The following WDPCP variants were observed in gnomAD, a reference collection of about 807,000 sequenced individuals.
The protein encoded by WDPCP is WD repeat-containing and planar cell polarity effector protein fritz homolog.
In WDPCP, 71 loss-of-function variants were observed where a neutral mutation model predicts 93.1. That is an observed-to-expected ratio of 0.76 (90% CI 0.63 to 0.93). The LOEUF is 0.93. Ranked by LOEUF, WDPCP falls within the 40% of genes least tolerant of loss-of-function variation. The pLI, the probability that WDPCP is intolerant of heterozygous loss-of-function variation, is 0.00. For missense variants in WDPCP, 844 were observed against 887.4 expected (o/e 0.95, Z 0.62); for synonymous variants, 315 against 315.0 (o/e 1.00, Z 0.00).
At chr2:63,166,265 C>T (rs1291408570) in intron 15 of WDPCP, among the ~76,000 whole-genome samples, 1 of 151,948 alleles carries the variant, frequency 6.6e-6, no homozygotes, top group African/African-American at 2.4e-5. Context: ...CGGGGTTTCA[C>T]CATGTTGGCC....
At chr2:63,555,117 T>A (rs895762054) in intron 1 of WDPCP, among the ~76,000 whole-genome samples, 1 of 152,220 alleles carries the variant, frequency 6.6e-6, no homozygotes, top group Non-Finnish European at 1.5e-5. Flanking sequence ...GCGGCAGCCA[T>A]CATTGCAGCT....
intron 1 of WDPCP, among the ~76,000 whole-genome samples, chr2:63,509,325 G>A (rs1702075365): frequency 6.6e-6 from 1 of 152,106 alleles, no homozygotes; most frequent in Non-Finnish European, 1.5e-5. Context: ...ACCTGCTCCT[G>A]AATGTCTACT....
At chr2:63,662,639 C>CAGAG (rs3077036) in intron 2 of WDPCP, among the ~76,000 whole-genome samples, 6,649 of 146,844 alleles carry the variant, frequency 0.045, 152 homozygotes, top group East Asian at 0.088. Flanking sequence ...TCATCTCTTC[C>CAGAG]AGAGAGAGAG....
At chr2:63,423,967 A>G (rs1382879467) in intron 9 of WDPCP, among the ~76,000 whole-genome samples, 2 of 152,082 alleles carry the variant, frequency 1.3e-5, no homozygotes, top group African/African-American at 2.4e-5. Flanking sequence ...CTGACATTCA[A>G]TAGAGAGGGA....
intron 1 of WDPCP, among the ~76,000 whole-genome samples, chr2:63,529,949 T>C (rs1378290718): frequency 6.6e-6 from 1 of 152,214 alleles, no homozygotes; most frequent in East Asian, 1.9e-4. Flanking sequence ...TGTCTAGGAA[T>C]TTATCCATTT....
intron 2 of WDPCP, among the ~76,000 whole-genome samples, chr2:63,697,405 T>C (rs1343036538): frequency 6.6e-6 from 1 of 152,188 alleles, no homozygotes; most frequent in Non-Finnish European, 1.5e-5. Flanking sequence ...AACTGTTGCA[T>C]AATGACAAAT....
chr2:63,256,767 A>T (rs1284304046), intron 14 of WDPCP, among the ~76,000 whole-genome samples: 1 of 152,222 alleles, frequency 6.6e-6, no homozygotes, highest in Non-Finnish European at 1.5e-5. Context: ...TGGAAGAATT[A>T]TAACTATATG....
intron 13 of WDPCP, among the ~76,000 whole-genome samples, chr2:63,283,688 C>T (rs1051717512): frequency 3.3e-5 from 5 of 152,154 alleles, no homozygotes; most frequent in Non-Finnish European, 5.9e-5. Context: ...AGCACAGCAT[C>T]CCAAATCTAA....
intron 12 of WDPCP, among the ~76,000 whole-genome samples, chr2:63,319,734 T>C (rs562953760): frequency 5.3e-5 from 8 of 152,282 alleles, no homozygotes; most frequent in African/African-American, 1.7e-4. Flanking sequence ...CGCCTCAGCC[T>C]CCCAAAGTGC....
intron 14 of WDPCP, among the ~76,000 whole-genome samples, chr2:63,198,773 G>A (rs777762250): frequency 2.5e-4 from 38 of 152,190 alleles, no homozygotes; most frequent in Non-Finnish European, 4.6e-4. Context: ...CAGAAAAGTG[G>A]TACTGGGAGA....
At chr2:63,420,059 C>G (rs949370468) in intron 9 of WDPCP, among the ~76,000 whole-genome samples, 1 of 151,864 alleles carries the variant, frequency 6.6e-6, no homozygotes. Flanking sequence ...AAAAGGTATA[C>G]TTTATTTTTA....
intron 1 of WDPCP, among the ~76,000 whole-genome samples, chr2:63,522,477 C>CACACAA (rs1370996788): frequency 7.9e-5 from 12 of 151,364 alleles, no homozygotes; most frequent in African/African-American, 2.9e-4. Flanking sequence ...CACACACACA[C>CACACAA]ACACACACAC....
chr2:63,529,366 T>G (rs998260083), intron 1 of WDPCP, among the ~76,000 whole-genome samples: 1 of 152,122 alleles, frequency 6.6e-6, no homozygotes, highest in African/African-American at 2.4e-5. Context: ...GTAAATAGCT[T>G]TTATTACTTT....
At chr2:63,595,817 A>G (rs1709300197) in intron 3 of WDPCP, among the ~76,000 whole-genome samples, 1 of 152,048 alleles carries the variant, frequency 6.6e-6, no homozygotes, top group South Asian at 2.1e-4. Flanking sequence ...AATTGTCTAC[A>G]CACACACACA....
intron 13 of WDPCP, among the ~76,000 whole-genome samples, chr2:63,276,102 C>T (rs553242550): frequency 6.6e-6 from 1 of 152,204 alleles, no homozygotes; most frequent in Non-Finnish European, 1.5e-5. Flanking sequence ...AGTAGCTCCA[C>T]TGGGTGGCTA....
chr2:63,192,028 T>C (rs777916011), intron 14 of WDPCP, among the ~76,000 whole-genome samples: 1 of 152,194 alleles, frequency 6.6e-6, no homozygotes, highest in Non-Finnish European at 1.5e-5. Context: ...TTGCTCAGCC[T>C]TGATGCAGAA....
intron 1 of WDPCP, among the ~76,000 whole-genome samples, chr2:63,572,015 A>G (rs915426351): frequency 2.6e-5 from 4 of 152,206 alleles, no homozygotes; most frequent in African/African-American, 9.7e-5. Context: ...ACTTTAACAG[A>G]AAGGAAAATT....
At chr2:63,406,910 A>C (rs1160191894) in intron 9 of WDPCP, among the ~76,000 whole-genome samples, 1 of 152,176 alleles carries the variant, frequency 6.6e-6, no homozygotes. Flanking sequence ...AAAGAGAATG[A>C]CAAAGACAAA....
chr2:63,642,056 AAT>A (rs1709986267), intron 3 of WDPCP, among the ~76,000 whole-genome samples: 1 of 152,086 alleles, frequency 6.6e-6, no homozygotes, highest in Non-Finnish European at 1.5e-5. Flanking sequence ...ACTTTTTCCC[AAT>A]ATATGTTCTT....
Sources: gnomAD v4.1 joint callset for allele counts (sites outside exome capture counted in the v4.1 genomes callset) on GRCh38, gnomAD v4.1.1 for gene constraint, MANE v1.5 for transcripts, NCBI Gene and HGNC (gene_info 2026-07-23, HGNC 2026-07-21) for gene names.